BPIFB3: variants seen among roughly 807,000 people sequenced by gnomAD.
BPIFB3 encodes the protein BPI fold-containing family B member 3.
In BPIFB3, 49 loss-of-function variants were observed where a neutral mutation model predicts 53.1. That is an observed-to-expected ratio of 0.92 (90% CI 0.73 to 1.17). BPIFB3 has a LOEUF of 1.17. Among genes scored for constraint, BPIFB3 ranks in the 50% most tolerant of loss-of-function variants. The pLI is 0.00. For synonymous variants in BPIFB3, 271 were observed against 269.6 expected, an observed-to-expected ratio of 1.01 and a Z score of -0.05; for missense variants, 628 against 592.5, an observed-to-expected ratio of 1.06 and a Z score of -0.62.
At chr20:33,061,667 G>A in intron 4 of BPIFB3, 101 bp from the exon 6 acceptor site, 2 of 1,159,314 alleles carry the variant, frequency 1.7e-6, no homozygotes, top group Non-Finnish European at 2.5e-6. Context: ...CCAAGAGAAG[G>A]GAGAGGAGAA....
At chr20:33,053,965 G>C (rs1445688478), upstream of BPIFB3, among the ~76,000 whole-genome samples, 1 of 152,130 alleles carries the variant, frequency 6.6e-6, no homozygotes, top group African/African-American at 2.4e-5. Context: ...CAGGAGCAAG[G>C]GTAAGACAGC....
exon 4 of BPIFB3, chr20:33,059,998 G>A: frequency 2.5e-6 from 4 of 1,614,148 alleles, no homozygotes; most frequent in Non-Finnish European, 3.4e-6. Context: ...AAGCGCTGCA[G>A]CACGCTCCTG....
At chr20:33,067,004 C>T in intron 9 of BPIFB3, 127 bp downstream of exon 10, 1 of 953,384 alleles carries the variant, frequency 1.0e-6, no homozygotes. Context: ...CAAATTCACA[C>T]TAAAGTGTGA....
At chr20:33,057,346 G>T (rs1980253050) in intron 2 of BPIFB3, among the ~76,000 whole-genome samples, 2 of 152,036 alleles carry the variant, frequency 1.3e-5, no homozygotes, top group Non-Finnish European at 2.9e-5. Context: ...CCACCACCAC[G>T]ACGGGCTAAT....
In BPIFB3 at chr20:33,059,851, G is replaced by A. The variant is rs909961732; in HGVS notation, c.387-40G>A. 4.4e-6 allele frequency: 7 copies of A among 1,603,824 alleles called. No homozygotes were observed. In the African/African-American group the frequency reaches 6.7e-5, roughly 15 times the overall value. ...CTGGTGGGCGGGGCCAAGGGTGGGAGCTGGCTGCCTGGCCACACCCCCAGT... is the reference window on the plus strand; with the variant it reads ...CTGGTGGGCGGGGCCAAGGGTGGGAACTGGCTGCCTGGCCACACCCCCAGT... On this transcript the variant is annotated intron_variant, in intron 3 of 14. Coordinates refer to ENST00000375494, the Ensembl canonical transcript of BPIFB3.
At chr20:33,064,825 A>G (rs922686856) in exon 8 of BPIFB3, 2 of 1,613,138 alleles carry the variant, frequency 1.2e-6, no homozygotes, top group African/African-American at 2.7e-5. Context: ...CGCCCTCGAC[A>G]TGGACATCAC....
chr20:33,068,877 C>T lies in BPIFB3; in HGVS notation c.1053C>T (p.Leu351=), dbSNP rs760108520. Residue 351 remains leucine (L), a synonymous_variant, in exon 10 of 15, where the codon CTC becomes CTT. Transcript: ENST00000375494. The stretch of plus-strand genomic sequence containing the variant: ...TGAGGGAAGCTCCCACGGTCACACT[C>T]CACAACAAGAAGGCCTTGGTCTCCC... 9 of 1,614,054 alleles carry T rather than the reference C, an allele frequency of 5.6e-6. No homozygotes were observed. The South Asian group carries it at 8.8e-5, about 16-fold the overall frequency.
At chr20:33,072,013 C>T in intron 12 of BPIFB3, 91 bp from the exon 14 acceptor site, 2 of 1,376,832 alleles carry the variant, frequency 1.5e-6, no homozygotes, top group Admixed American at 1.8e-5. Context: ...CAGCTGGGCC[C>T]CTGGGTTTCT....
chr20:33,056,953 T>C (rs1980235300), intron 2 of BPIFB3, among the ~76,000 whole-genome samples: 2 of 152,164 alleles, frequency 1.3e-5, no homozygotes, highest in Admixed American at 1.3e-4. Context: ...TTGCTTAGTC[T>C]CTCTGGGCTA....
At position 33,064,972 on chromosome 20, in the gene BPIFB3, A is replaced by G. The variant is rs1980614804; in HGVS notation, c.924+127A>G. 2.8e-6 allele frequency: 3 copies of G among 1,060,774 alleles called. No homozygotes were observed. In the East Asian group the frequency reaches 7.8e-5, roughly 27 times the overall value. The allele number at this position is 1,060,774 out of a possible 1,614,324, so 65.7% of individuals were successfully genotyped here. ...CCTCTCTATAATAAAAGGGAGTTGAACAAGTTTAGAGTGTGTACACTGCTG... is the reference window on the plus strand; with the variant it reads ...CCTCTCTATAATAAAAGGGAGTTGAGCAAGTTTAGAGTGTGTACACTGCTG... On this transcript the variant is annotated intron_variant, in intron 8 of 14. Coordinates refer to ENST00000375494, the Ensembl canonical transcript of BPIFB3.
chr20:33,064,737 C>A (rs771265954), exon 8 of BPIFB3: 7 of 1,614,048 alleles, frequency 4.3e-6, no homozygotes, highest in Admixed American at 3.3e-5. Context: ...AGGTGCCCCC[C>A]AAGAAGGACC....
At chr20:33,063,650 G>A (rs867531177) in exon 6 of BPIFB3, 4 of 1,613,956 alleles carry the variant, frequency 2.5e-6, no homozygotes, top group Non-Finnish European at 3.4e-6. Context: ...TGGGTGTGGT[G>A]AATGAGCTCC....
At chr20:33,056,220 A>T (rs1980195587) in intron 1 of BPIFB3, among the ~76,000 whole-genome samples, 1 of 152,144 alleles carries the variant, frequency 6.6e-6, no homozygotes, top group Admixed American at 6.5e-5. Flanking sequence ...TTGCTGTGTG[A>T]CTTTGGACAC....
rs765474556 is a variant in BPIFB3 at position 33,068,882 on chromosome 20, A to G, written c.1058A>G (p.Asn353Ser). 30 of 1,613,848 alleles carry G rather than the reference A, an allele frequency of 1.9e-5. No homozygotes were observed. The highest frequency in any genetic ancestry group is 2.5e-6 in the Non-Finnish European group (3 of 1,179,928). The change falls in exon 10 of 15, where the codon AAC becomes AGC. Residue 353 changes from asparagine (N) to serine (S), a missense_variant. Coordinates refer to ENST00000375494, the Ensembl canonical transcript of BPIFB3. ...GAAGCTCCCACGGTCACACTCCACA[A>G]CAAGAAGGCCTTGGTCTCCCTCCCA...
intron 12 of BPIFB3, 151 bp from the exon 14 acceptor site, chr20:33,071,953 T>C: frequency 1.4e-6 from 1 of 725,412 alleles, no homozygotes; most frequent in East Asian, 2.7e-5. Context: ...CACCCCCAAG[T>C]GCCCAGTGCC....
At chr20:33,071,988 T>TG in intron 12 of BPIFB3, 116 bp from the exon 14 acceptor site, 1 of 1,040,148 alleles carries the variant, frequency 9.6e-7, no homozygotes, top group Non-Finnish European at 1.5e-6. Flanking sequence ...TCCTCAGGCT[T>TG]GGGGGAGGCT....
chr20:33,063,808 G>A lies in BPIFB3; in HGVS notation c.652+133G>A, dbSNP rs575597509. On this transcript the variant is annotated intron_variant, in intron 6 of 14. Coordinates refer to ENST00000375494, the Ensembl canonical transcript of BPIFB3. Reference sequence around the variant, plus strand: ...CTTTAGTTCCTCCTCACACTGACAGGCTGCCCCTTTGAGGAGCCTCATGGA... The same window carrying A: ...CTTTAGTTCCTCCTCACACTGACAGACTGCCCCTTTGAGGAGCCTCATGGA... 9.2e-5 allele frequency: 85 copies of A among 920,740 alleles called. 2 individuals are homozygous for A. In the South Asian group the frequency reaches 1.5e-3, roughly 16 times the overall value. The allele number at this position is 920,740 out of a possible 1,614,324, so 57.0% of individuals were successfully genotyped here.
Position 33,071,309 on chromosome 20 carries a change from AG to A in BPIFB3, c.1260+17del. ...CATGCCTTTGACGTAAGTTCCTGGG[AG>A]GGTGAGGGGCTTGGCAGTGATGAGA... On this transcript the variant is annotated intron_variant, in intron 12 of 14. Coordinates refer to ENST00000375494, the Ensembl canonical transcript of BPIFB3. 6.4e-7 allele frequency: 1 copy of A among 1,557,856 alleles called. No individual in the cohort carries two copies. Among genetic ancestry groups the A allele is most frequent in the Middle Eastern group, 1.7e-4 (1 of 5,994 alleles).
chr20:33,057,359 T>C (rs1335497488), intron 2 of BPIFB3, among the ~76,000 whole-genome samples: 1 of 152,022 alleles, frequency 6.6e-6, no homozygotes, highest in African/African-American at 2.4e-5. Context: ...GGGCTAATTT[T>C]TGTAGTTTTA....
Sources: allele counts gnomAD v4.1 joint callset (sites outside exome capture counted in the v4.1 genomes callset), GRCh38; gene constraint gnomAD v4.1.1; transcripts MANE v1.5; gene names NCBI Gene and HGNC (gene_info 2026-07-23, HGNC 2026-07-21).